Variants in STRN3 observed in about 807,000 individuals in gnomAD.
STRN3 encodes the protein striatin 3.
In STRN3, 29 loss-of-function variants were observed where a neutral mutation model predicts 95.6. The ratio of observed to expected loss-of-function variants is 0.30; its 90% CI spans 0.23 to 0.41. The LOEUF (loss-of-function observed/expected upper bound fraction) is 0.41, where lower values mean the gene tolerates loss of function less well. Among genes scored for constraint, STRN3 ranks in the 10% least tolerant of loss-of-function variants. STRN3 has a pLI of 1.00. For synonymous variants in STRN3, 331 were observed against 357.6 expected, an observed-to-expected ratio of 0.93 and a Z score of 0.84; for missense variants, 890 against 972.1, an observed-to-expected ratio of 0.92 and a Z score of 1.12.
chr14:30,985,528 T>C (rs1311752424), intron 1 of STRN3, among the ~76,000 whole-genome samples: 1 of 151,646 alleles, frequency 6.6e-6, no homozygotes, highest in Non-Finnish European at 1.5e-5. Context: ...CACTTCAATC[T>C]GGTGGGCAGA....
intron 9 of STRN3, among the ~76,000 whole-genome samples, chr14:30,914,872 C>T (rs951591592): frequency 6.6e-6 from 1 of 152,106 alleles, no homozygotes; most frequent in Non-Finnish European, 1.5e-5. Context: ...ATTAACAGTT[C>T]CAATTATTTA....
chr14:30,917,475 A>C (rs777789204), intron 9 of STRN3, among the ~76,000 whole-genome samples: 1 of 152,140 alleles, frequency 6.6e-6, no homozygotes, highest in Non-Finnish European at 1.5e-5. Context: ...TTAATTACAA[A>C]AATTTTAGCA....
At chr14:30,952,647 C>T (rs1879705216) in intron 3 of STRN3, among the ~76,000 whole-genome samples, 2 of 151,944 alleles carry the variant, frequency 1.3e-5, no homozygotes, top group South Asian at 4.2e-4. Context: ...TTGCATTGAG[C>T]CAAGATCGTA....
intron 1 of STRN3, among the ~76,000 whole-genome samples, chr14:30,972,011 T>C (rs1055344857): frequency 1.3e-5 from 2 of 152,176 alleles, no homozygotes; most frequent in African/African-American, 4.8e-5. Flanking sequence ...AAAAAAAAGT[T>C]TGAAAAGAAA....
chr14:30,919,239 A>G lies in STRN3; in HGVS notation c.1100-133T>C, dbSNP rs1896818734. On this transcript the variant is annotated intron_variant, in intron 8 of 17. Coordinates refer to ENST00000357479, the MANE Select transcript of STRN3 (RefSeq NM_001083893.2). ...TTATTAAAATATCAGAAAATTAAAGATGTCTTCCATTTTCCATACCATCCC... is the reference window on the plus strand; with the variant it reads ...TTATTAAAATATCAGAAAATTAAAGGTGTCTTCCATTTTCCATACCATCCC... 7.2e-6 allele frequency: 7 copies of G among 970,838 alleles called. No individual in the cohort carries two copies. The South Asian group carries it at 1.6e-4, about 22-fold the overall frequency. 60.1% of individuals were successfully genotyped at this position (970,838 alleles called of 1,614,324 possible). A position where few individuals can be genotyped will look rare whatever the true frequency, so the allele number is the denominator to read the frequency against.
rs80012102 is a variant in STRN3, at chr14:31,005,336, G to A, written c.282+20568C>T. Among the ~76,000 whole-genome samples, 892 of 152,202 alleles carry A rather than the reference G, an allele frequency of 5.9e-3. 7 individuals are homozygous for A. The highest frequency in any genetic ancestry group is 0.032 in the East Asian group (164 of 5,168). ...GACAGAACGAGACTCCTCTCGTAGA[G>A]GGGATGGCAAGGGAGGGGAGGGGAG... On this transcript the variant is annotated intron_variant, in intron 1 of 17. Coordinates refer to ENST00000357479, the MANE Select transcript of STRN3 (RefSeq NM_001083893.2).
At chr14:30,932,245 T>G (rs1232612135) in intron 7 of STRN3, 1 of 151,652 alleles carries the variant, frequency 6.6e-6, no homozygotes, top group Non-Finnish European at 1.5e-5. Flanking sequence ...CCAGCCTGGG[T>G]AACAGAGTGA....
At chr14:30,944,145 GA>G (rs1204125982) in intron 5 of STRN3, among the ~76,000 whole-genome samples, 1 of 152,038 alleles carries the variant, frequency 6.6e-6, no homozygotes, top group African/African-American at 2.4e-5. Context: ...TACTAAGAGT[GA>G]GGGGGAAAAA....
At chr14:30,959,596 T>C (rs113367171) in intron 1 of STRN3, among the ~76,000 whole-genome samples, 4,021 of 152,216 alleles carry the variant, frequency 0.026, 73 homozygotes, top group Non-Finnish European at 0.041. Context: ...TGTTATAGCA[T>C]CATCTCTGCA....
intron 1 of STRN3, among the ~76,000 whole-genome samples, chr14:30,960,925 C>T (rs899913050): frequency 1.1e-4 from 17 of 151,140 alleles, no homozygotes; most frequent in African/African-American, 4.1e-4. Context: ...TGAACATCTG[C>T]CTGATACTTT....
intron 1 of STRN3, among the ~76,000 whole-genome samples, chr14:30,957,302 A>T (rs12891080): frequency 6.6e-6 from 1 of 151,790 alleles, no homozygotes; most frequent in Non-Finnish European, 1.5e-5. Context: ...AAAATACAAA[A>T]AATTGCCAGG....
At chr14:30,921,047 GAGA>G (rs757486564) in intron 8 of STRN3, among the ~76,000 whole-genome samples, 1 of 147,122 alleles carries the variant, frequency 6.8e-6, no homozygotes. Context: ...TCAGAAAGGT[GAGA>G]AGGCTTTCTA....
intron 5 of STRN3, among the ~76,000 whole-genome samples, chr14:30,939,910 TTTA>T (rs1289550004): frequency 6.6e-6 from 1 of 152,196 alleles, no homozygotes; most frequent in Non-Finnish European, 1.5e-5. Flanking sequence ...TACTTTTGGC[TTTA>T]TTAATATTCC....
rs141916038 is a variant in STRN3, at chr14:31,005,084, A to G, written c.282+20820T>C. On this transcript the variant is annotated intron_variant, in intron 1 of 17. Coordinates refer to ENST00000357479, the MANE Select transcript of STRN3 (RefSeq NM_001083893.2). ...CACAGTGGCTCACCCCTATAATCCT[A>G]GCACTTTGGAAGGCCGAGGTGGGCA... is the stretch of plus-strand genomic sequence containing the variant. Among the ~76,000 whole-genome samples, 442 of 152,280 alleles carry G rather than the reference A, an allele frequency of 2.9e-3. 5 individuals are homozygous for G. Among genetic ancestry groups the G allele is most frequent in the African/African-American group, 0.01 (420 of 41,568 alleles).
At chr14:30,987,695 G>GT (rs1279014805) in intron 1 of STRN3, among the ~76,000 whole-genome samples, 5 of 151,790 alleles carry the variant, frequency 3.3e-5, no homozygotes, top group Admixed American at 1.3e-4. Flanking sequence ...ACTACTCGCT[G>GT]TGATTCTGCC....
intron 1 of STRN3, among the ~76,000 whole-genome samples, chr14:30,984,137 A>G (rs11624092): frequency 0.12 from 6,908 of 56,174 alleles, 413 homozygotes; most frequent in South Asian, 0.35. Context: ...GCCCCCCCCA[A>G]CCCCCCCCCA....
intron 1 of STRN3, among the ~76,000 whole-genome samples, chr14:31,013,125 A>C (rs1883047053): frequency 1.3e-5 from 2 of 151,672 alleles, no homozygotes. Flanking sequence ...AAAATTAGTC[A>C]GGTGTGGAGG....
chr14:30,933,279 A>ATT (rs1555317710), intron 7 of STRN3, among the ~76,000 whole-genome samples: 4 of 74,838 alleles, frequency 5.3e-5, no homozygotes, highest in African/African-American at 1.4e-4. Flanking sequence ...ACCCTGTTTC[A>ATT]TAAAAAAAAA....
intron 13 of STRN3, among the ~76,000 whole-genome samples, chr14:30,909,792 TA>T (rs1896561761): frequency 6.6e-6 from 1 of 152,184 alleles, no homozygotes; most frequent in Non-Finnish European, 1.5e-5. Context: ...CTGTATACTT[TA>T]AAAGGGTGAA....
Sources: gnomAD v4.1 joint callset for allele counts (sites outside exome capture counted in the v4.1 genomes callset) on GRCh38, gnomAD v4.1.1 for gene constraint, MANE v1.5 for transcripts, NCBI Gene and HGNC (gene_info 2026-07-23, HGNC 2026-07-21) for gene names.